Variants in ACP6 observed in about 807,000 individuals in gnomAD.
ACP6 encodes the protein lysophosphatidic acid phosphatase type 6.
Under a neutral mutation model 48.1 loss-of-function variants are expected in ACP6, and 48 were observed. The ratio of observed to expected loss-of-function variants is 1.00; its 90% CI spans 0.79 to 1.27. The LOEUF is 1.27. Ranked by LOEUF, ACP6 falls within the 50% of genes most tolerant of loss-of-function variation. ACP6 has a pLI of 0.00. For synonymous variants in ACP6, 172 were observed against 204.2 expected, an observed-to-expected ratio of 0.84 and a Z score of 1.34; for missense variants, 485 against 529.1, an observed-to-expected ratio of 0.92 and a Z score of 0.82.
chr1:147,662,229 G>C (rs1660582621), intron 1 of ACP6, among the ~76,000 whole-genome samples: 1 of 152,208 alleles, frequency 6.6e-6, no homozygotes, highest in African/African-American at 2.4e-5. Flanking sequence ...AATTAATATT[G>C]TTTTTGTGCC....
chr1:147,650,591 A>G (rs905883115), intron 7 of ACP6: 5 of 206,640 alleles, frequency 2.4e-5, no homozygotes, highest in Admixed American at 1.2e-4. Context: ...AGAAGGGGTA[A>G]TAATTTCCAG....
At chr1:147,637,012 A>C (rs1553208084) in intron 5 of ACP6, among the ~76,000 whole-genome samples, 2 of 152,220 alleles carry the variant, frequency 1.3e-5, no homozygotes, top group East Asian at 3.9e-4. Context: ...AGGCCCAGCC[A>C]GCCCAAGGTG....
intron 4 of ACP6, among the ~76,000 whole-genome samples, chr1:147,657,679 A>G (rs1660328550): frequency 6.6e-6 from 1 of 152,030 alleles, no homozygotes; most frequent in Non-Finnish European, 1.5e-5. Context: ...TCAGCCTCCC[A>G]AAGTGCTAGG....
chr1:147,634,012 A>G (rs1275228715), intron 5 of ACP6, among the ~76,000 whole-genome samples: 1 of 152,188 alleles, frequency 6.6e-6, no homozygotes, highest in African/African-American at 2.4e-5. Flanking sequence ...CTTTGTACCC[A>G]TTAAACAATA....
At chr1:147,656,289 A>G (rs1214629621) in intron 4 of ACP6, among the ~76,000 whole-genome samples, 1 of 152,204 alleles carries the variant, frequency 6.6e-6, no homozygotes, top group African/African-American at 2.4e-5. Context: ...CTGTAAATCA[A>G]AGGGGTAGGA....
In ACP6 at chr1:147,659,701, A is replaced by G. The variant is rs1434739672; in HGVS notation, c.294T>C (p.Gly98=). The G allele has an allele frequency of 1.9e-5, 31 of 1,614,072 alleles. No homozygotes were observed. The highest frequency in any genetic ancestry group is 2.5e-5 in the Non-Finnish European group (29 of 1,180,044). The change falls in exon 2 of 10, where the codon GGT becomes GGC. Residue 98 remains glycine, a synonymous_variant. Transcript: ENST00000583509. ...CGTAAGGAGAATATGGTTTCGGACCACCAGCTAGATTGGTGACTGTGTAAT... is the reference window on the plus strand; with the variant it reads ...CGTAAGGAGAATATGGTTTCGGACCGCCAGCTAGATTGGTGACTGTGTAAT... ...QFDYTVTNLA[G]GPKPYSPYDS...
intron 1 of ACP6, among the ~76,000 whole-genome samples, chr1:147,668,861 C>A (rs1212636095): frequency 6.6e-6 from 1 of 152,082 alleles, no homozygotes; most frequent in Non-Finnish European, 1.5e-5. Flanking sequence ...TCCAGTTGTA[C>A]AATGTAAAGA....
In ACP6 at chr1:147,654,263, G is replaced by A. The variant is rs1660113507; in HGVS notation, c.711C>T (p.Asp237=). 1 of 1,614,046 alleles carries A rather than the reference G, an allele frequency of 6.2e-7. No homozygotes were observed. Among genetic ancestry groups the A allele is most frequent in the Admixed American group, 1.7e-5 (1 of 59,998 alleles). ...TATCACTACTGTCAATGCCCATCCT[G>A]TCCTTCACCTTTTTCAAATCCTCTG... ...GISEDLKKVK[D]RMGIDSSDKV... The change falls in exon 6 of 10, where the codon GAC becomes GAT. Residue 237 remains aspartate (D), a synonymous_variant. Coordinates refer to ENST00000583509, the MANE Select transcript of ACP6 (RefSeq NM_016361.5).
At chr1:147,638,830 G>A (rs1430526414), downstream of ACP6, among the ~76,000 whole-genome samples, 1 of 152,152 alleles carries the variant, frequency 6.6e-6, no homozygotes, top group Non-Finnish European at 1.5e-5. Context: ...CCATCAGTGT[G>A]GCACAGAAAA....
At position 147,645,972 on chromosome 1, in the gene ACP6, G is replaced by C. The variant is rs1229198648; in HGVS notation, c.*1451C>G. 6.6e-6 allele frequency: 1 copy of C among 152,216 alleles called. No individual in the cohort carries two copies. The highest frequency in any genetic ancestry group is 1.5e-5 in the Non-Finnish European group (1 of 68,050). 9.4% of individuals were successfully genotyped at this position (152,216 alleles called of 1,614,324 possible). ...GTGTTGGTTCATTCTTAGTAAGAGG[G>C]AGGAAGGAAGGCTATAAAAGCACCA... On this transcript the variant is annotated 3_prime_UTR_variant, in exon 10 of 10. Coordinates refer to ENST00000583509, the MANE Select transcript of ACP6 (RefSeq NM_016361.5).
At chr1:147,662,679 G>C (rs1465871234) in intron 1 of ACP6, among the ~76,000 whole-genome samples, 1 of 152,184 alleles carries the variant, frequency 6.6e-6, no homozygotes, top group African/African-American at 2.4e-5. Context: ...ATCTAGTCCT[G>C]GTGAAGATAG....
chr1:147,652,647 C>G, intron 6 of ACP6, 98 bp from the exon 7 acceptor site: 1 of 1,605,734 alleles, frequency 6.2e-7, no homozygotes, highest in Non-Finnish European at 8.5e-7. Context: ...CCCATCTTCT[C>G]CTGGGGAAGA....
chr1:147,640,210 C>G (rs1553208476), downstream of ACP6, among the ~76,000 whole-genome samples: 1 of 152,140 alleles, frequency 6.6e-6, no homozygotes, highest in African/African-American at 2.4e-5. Context: ...CTCTGCCATG[C>G]TAAAGGAGTT....
intron 4 of ACP6, among the ~76,000 whole-genome samples, chr1:147,656,877 A>G (rs1176711755): frequency 6.6e-6 from 1 of 152,262 alleles, no homozygotes; most frequent in African/African-American, 2.4e-5. Context: ...TAAAAATAAC[A>G]TAAATTAGAA....
chr1:147,664,201 A>T (rs1432082669), intron 1 of ACP6, among the ~76,000 whole-genome samples: 5 of 152,088 alleles, frequency 3.3e-5, no homozygotes, highest in African/African-American at 1.2e-4. Flanking sequence ...TTTCACAGTT[A>T]ATCACTGCTC....
chr1:147,667,303 C>T (rs997003742), intron 1 of ACP6, among the ~76,000 whole-genome samples: 3 of 152,080 alleles, frequency 2.0e-5, no homozygotes, highest in East Asian at 1.9e-4. Context: ...CTGCAACCTC[C>T]GCCTCCCGGG....
intron 9 of ACP6, 122 bp downstream of exon 9, chr1:147,648,124 G>A (rs1184552809): frequency 5.9e-5 from 69 of 1,171,866 alleles, no homozygotes; most frequent in Non-Finnish European, 7.5e-5. Context: ...AGGATTCAGA[G>A]AGCTGACTGT....
rs1659527856 is a variant in ACP6, at chr1:147,643,741, C to T, written c.*3682G>A. The T allele has an allele frequency of 6.6e-6, 1 of 152,058 alleles. No individual in the cohort carries two copies. The highest frequency in any genetic ancestry group is 2.1e-4 in the South Asian group (1 of 4,812). The allele number at this position is 152,058 out of a possible 1,614,324, so 9.4% of individuals were successfully genotyped here. On this transcript the variant is annotated 3_prime_UTR_variant, in exon 10 of 10. Transcript: ENST00000583509. ...GTGATCTAGTGCACAGCATGGTGAC[C>T]ATAGTTCATAACAGTATACTGTTGT...
chr1:147,648,597 T>C (rs1049297918), intron 8 of ACP6, among the ~76,000 whole-genome samples, 186 bp from the exon 9 acceptor site: 1 of 152,168 alleles, frequency 6.6e-6, no homozygotes, highest in Non-Finnish European at 1.5e-5. Flanking sequence ...ACTCCCCGTG[T>C]CTTCATGAGG....
Sources: allele counts gnomAD v4.1 joint callset (sites outside exome capture counted in the v4.1 genomes callset), GRCh38; gene constraint gnomAD v4.1.1; transcripts MANE v1.5; gene names NCBI Gene and HGNC (gene_info 2026-07-23, HGNC 2026-07-21).